The following NTNG2 variants were observed in gnomAD, a reference collection of about 807,000 sequenced individuals.
NTNG2 encodes the protein netrin-G2.
NTNG2 carries 15 observed loss-of-function variants against 47.6 expected under a neutral mutation model. The observed-to-expected ratio is 0.32, with a 90% CI of 0.21 to 0.49. NTNG2 has a LOEUF of 0.49. Among genes scored for constraint, NTNG2 ranks in the 20% least tolerant of loss-of-function variants. The probability of loss-of-function intolerance (pLI) is 0.99; values close to 1 mark genes in which losing one functional copy is unlikely to be tolerated. For missense variants in NTNG2, 578 were observed against 764.6 expected, an observed-to-expected ratio of 0.76 and a Z score of 2.88; for synonymous variants, 307 against 324.6, an observed-to-expected ratio of 0.95 and a Z score of 0.58.
chr9:132,226,354 G>A lies in NTNG2; in HGVS notation c.858-495G>A, dbSNP rs140639545. 1.6e-3 allele frequency among the ~76,000 whole-genome samples: 244 copies of A among 152,346 alleles called. No individual in the cohort carries two copies. Among genetic ancestry groups the A allele is most frequent in the Non-Finnish European group, 1.8e-3 (120 of 68,040 alleles). On this transcript the variant is annotated intron_variant, in intron 3 of 7. Transcript: ENST00000393229. The surrounding 1 kb of genome is among the most constrained non-coding windows in gnomAD (Gnocchi z 4.8). ...GGTTCTATCTGTTGCCCTCAAGGGC[G>A]TGGCTGTGGGCCACAACCTGACAGC...
intron 5 of NTNG2, chr9:132,232,659 C>T (rs1009990805): frequency 1.3e-5 from 2 of 152,134 alleles, no homozygotes; most frequent in African/African-American, 4.8e-5. Flanking sequence ...TCTTCCTGGT[C>T]CCAGCCAGGG....
chr9:132,199,297 C>T (rs1838564860), intron 3 of NTNG2, among the ~76,000 whole-genome samples: 1 of 152,142 alleles, frequency 6.6e-6, no homozygotes, highest in African/African-American at 2.4e-5. Flanking sequence ...CGCCCTCAGG[C>T]TCCATGATTC....
At chr9:132,169,848 C>T (rs533203236) in intron 2 of NTNG2, among the ~76,000 whole-genome samples, 2 of 152,322 alleles carry the variant, frequency 1.3e-5, no homozygotes, top group African/African-American at 2.4e-5. Context: ...GCTTCTTCCC[C>T]GGGCTCCTTT....
At chr9:132,220,698 T>G (rs1198017474) in intron 3 of NTNG2, among the ~76,000 whole-genome samples, 1 of 152,120 alleles carries the variant, frequency 6.6e-6, no homozygotes, top group African/African-American at 2.4e-5. Flanking sequence ...CCTGCCTGCC[T>G]CAGCCTCCGA....
intron 5 of NTNG2, chr9:132,233,589 G>A (rs1043658463): frequency 2.0e-5 from 3 of 152,178 alleles, no homozygotes; most frequent in Non-Finnish European, 1.5e-5. Context: ...AGGGGAGGAG[G>A]TGGCTCCAAT....
chr9:132,202,487 G>A (rs1838843739), intron 3 of NTNG2, among the ~76,000 whole-genome samples: 1 of 152,234 alleles, frequency 6.6e-6, no homozygotes, highest in Admixed American at 6.5e-5. Flanking sequence ...CTCCCGCGGA[G>A]CCTGCTCCAC....
intron 3 of NTNG2, among the ~76,000 whole-genome samples, chr9:132,223,663 C>G (rs997620222): frequency 1.3e-5 from 2 of 152,158 alleles, no homozygotes; most frequent in Admixed American, 1.3e-4. Flanking sequence ...GAGTGAGACT[C>G]TGTCTCAAAA....
At chr9:132,195,147 A>C (rs1003183040) in intron 2 of NTNG2, among the ~76,000 whole-genome samples, 1 of 152,162 alleles carries the variant, frequency 6.6e-6, no homozygotes, top group African/African-American at 2.4e-5. Context: ...TTATATTTTA[A>C]AGCAGTTTTA....
rs142171436 is a variant in NTNG2 at position 132,180,807 on chromosome 9, A to G, written c.213+13763A>G. On this transcript the variant is annotated intron_variant, in intron 2 of 7. Coordinates refer to ENST00000393229, the MANE Select transcript of NTNG2 (RefSeq NM_032536.4). The surrounding 1 kb of genome is among the most constrained non-coding windows in gnomAD (Gnocchi z 4.2). ...GAAAACCCTGGAGCGGGAGCTTCTC[A>G]CTTTTAATGGTCATGGCCCCACTTG... 8.7e-3 allele frequency among the ~76,000 whole-genome samples: 1,324 copies of G among 152,312 alleles called. 20 individuals carry two copies. Among genetic ancestry groups the G allele is most frequent in the African/African-American group, 0.03 (1,240 of 41,566 alleles).
chr9:132,171,662 T>C (rs142389154), intron 2 of NTNG2, among the ~76,000 whole-genome samples: 80 of 152,214 alleles, frequency 5.3e-4, no homozygotes, highest in African/African-American at 1.8e-3. Context: ...CCCCAGGGGG[T>C]CTGCTGGGCT....
chr9:132,207,733 C>A (rs1309901573), intron 3 of NTNG2, among the ~76,000 whole-genome samples: 1 of 152,212 alleles, frequency 6.6e-6, no homozygotes, highest in Non-Finnish European at 1.5e-5. Context: ...CATGGAGGGG[C>A]TGACGCTCCC....
rs139186629 is a variant in NTNG2 at position 132,165,762 on chromosome 9, G to A, written c.-483-587G>A. On this transcript the variant is annotated intron_variant, in intron 1 of 7. Transcript: ENST00000393229. The stretch of plus-strand genomic sequence containing the variant: ...TTTGAAAGTCTCTGACCCCCAAGCC[G>A]GGGCACTTCTGCTGAACTAACACTC... Among the ~76,000 whole-genome samples the A allele has an allele frequency of 5.9e-5, 9 of 152,282 alleles. No homozygotes were observed. In the East Asian group the frequency reaches 9.6e-4, roughly 16 times the overall value.
At chr9:132,201,957 G>C (rs73561586) in intron 3 of NTNG2, among the ~76,000 whole-genome samples, 16,413 of 152,118 alleles carry the variant, frequency 0.11, 2,550 homozygotes, top group African/African-American at 0.35. Flanking sequence ...AGAATAGAAG[G>C]AGATTGCACA....
At chr9:132,204,893 T>G (rs576741656) in intron 3 of NTNG2, among the ~76,000 whole-genome samples, 1 of 152,138 alleles carries the variant, frequency 6.6e-6, no homozygotes, top group South Asian at 2.1e-4. Flanking sequence ...CTGGGCAATA[T>G]AGTGAGACCC....
chr9:132,166,752 C>A lies in NTNG2; in HGVS notation c.-80C>A. 1 of 1,378,130 alleles carries A rather than the reference C, an allele frequency of 7.3e-7. No individual in the cohort carries two copies. Among genetic ancestry groups the A allele is most frequent in the Non-Finnish European group, 1.0e-6 (1 of 976,612 alleles). 85.4% of individuals were successfully genotyped at this position (1,378,130 alleles called of 1,614,324 possible). ...GCCTGGTAGATGTGGCATTTCCATG[C>A]TGAGGCCGCGAGTCCCGCCTGACCC... is the stretch of plus-strand genomic sequence containing the variant. On this transcript the variant is annotated 5_prime_UTR_variant, in exon 2 of 8. In the 5' UTR this introduces an upstream ATG that the reference lacks. Transcript: ENST00000393229.
In NTNG2 at chr9:132,198,155, G is replaced by A. The variant is rs1375606453; in HGVS notation, c.403G>A (p.Asp135Asn). The change falls in exon 3 of 8, where the codon GAC becomes AAC. Residue 135 changes from aspartate to asparagine, a missense_variant. Physicochemically the swap from Asp to Asn is conservative, Grantham distance 23. Transcript: ENST00000393229. ...LSWNKTVELT[D>N]DVVMTFEYGR... ...GTGGAACAAGACCGTGGAGCTGACC[G>A]ACGACGTGGTGATGACCTTCGAGTA... is the stretch of plus-strand genomic sequence containing the variant. 2.5e-6 allele frequency: 4 copies of A among 1,613,768 alleles called. No homozygotes were observed. Among genetic ancestry groups the A allele is most frequent in the Non-Finnish European group, 3.4e-6 (4 of 1,180,020 alleles).
intron 5 of NTNG2, among the ~76,000 whole-genome samples, 167 bp downstream of exon 5, chr9:132,230,762 C>G (rs370990712): frequency 2.7e-5 from 4 of 150,074 alleles, no homozygotes; most frequent in Non-Finnish European, 5.9e-5. Flanking sequence ...ACCTCTCCCC[C>G]CTCCACCTCC....
At chr9:132,191,120 G>A (rs1837853945) in intron 2 of NTNG2, among the ~76,000 whole-genome samples, 1 of 152,174 alleles carries the variant, frequency 6.6e-6, no homozygotes, top group Admixed American at 6.5e-5. Context: ...AGAGGGTGCA[G>A]GGAGGAGCGG....
chr9:132,228,050 G>A (rs999078396), intron 4 of NTNG2, among the ~76,000 whole-genome samples: 1 of 152,204 alleles, frequency 6.6e-6, no homozygotes, highest in Non-Finnish European at 1.5e-5. Flanking sequence ...GAGGCCCAGC[G>A]AACCTCGGGG....
Sources: allele counts gnomAD v4.1 joint callset (sites outside exome capture counted in the v4.1 genomes callset), GRCh38; gene constraint gnomAD v4.1.1; non-coding constraint Gnocchi (gnomAD v3.1); transcripts MANE v1.5; gene names NCBI Gene and HGNC (gene_info 2026-07-23, HGNC 2026-07-21).